Variants in MIAT observed in about 807,000 individuals in gnomAD.
MIAT encodes MI related novel mRNA.
At chr22:26,660,937 C>T (rs1480364420) in intron 2 of MIAT, 5 of 152,170 alleles carry the variant, frequency 3.3e-5, no homozygotes, top group Admixed American at 6.5e-5. Flanking sequence ...AAAAAGCGGC[C>T]GTGAGGCTAT....
At chr22:26,664,005 C>CTTTTTTTTTTTTTTTTTTTTTTT (rs202155948) in intron 3 of MIAT, among the ~76,000 whole-genome samples, 1 of 116,266 alleles carries the variant, frequency 8.6e-6, no homozygotes, top group African/African-American at 3.8e-5. Context: ...CTGTGTTCAG[C>CTTTTTTTTTTTTTTTTTTTTTTT]TTTTTTTTTT....
At chr22:26,658,065 G>A (rs904693485) in intron 2 of MIAT, 1 of 150,854 alleles carries the variant, frequency 6.6e-6, no homozygotes, top group African/African-American at 2.5e-5. Flanking sequence ...AGAGCCAGAG[G>A]GTCTCGGAAC....
chr22:26,660,171 A>G lies in MIAT; in HGVS notation n.647-3145A>G, dbSNP rs1407202916. Among the ~76,000 whole-genome samples the G allele has an allele frequency of 2.0e-5, 3 of 150,690 alleles. No individual in the cohort carries two copies. In the East Asian group the frequency reaches 5.9e-4, roughly 30 times the overall value. On this transcript the variant is annotated intron_variant and non_coding_transcript_variant, in intron 2 of 5. Coordinates refer to ENST00000643270, the Ensembl canonical transcript of MIAT. The stretch of plus-strand genomic sequence containing the variant: ...ATTTTCATGTATTTCTCTCTGGTAT[A>G]TTTTCTATTATTGAAATTGGCTGGG...
At chr22:26,648,267 G>C (rs988694943) in intron 2 of MIAT, among the ~76,000 whole-genome samples, 14 of 152,186 alleles carry the variant, frequency 9.2e-5, no homozygotes, top group African/African-American at 3.1e-4. Context: ...GCAGATGGAT[G>C]AGAGCAACAC....
At chr22:26,655,770 T>C (rs1930420869) in intron 2 of MIAT, among the ~76,000 whole-genome samples, 1 of 152,210 alleles carries the variant, frequency 6.6e-6, no homozygotes, top group African/African-American at 2.4e-5. Context: ...TACTGAAACA[T>C]AGATGTCTGG....
chr22:26,661,142 T>C (rs1362253778), intron 2 of MIAT, among the ~76,000 whole-genome samples: 1 of 152,208 alleles, frequency 6.6e-6, no homozygotes. Flanking sequence ...GCAGCGTGTT[T>C]CTGGGGCATT....
intron 2 of MIAT, chr22:26,657,276 C>A: frequency 2.6e-6 from 1 of 383,620 alleles, no homozygotes; most frequent in East Asian, 3.7e-5. Flanking sequence ...CAGCTAGCCC[C>A]TTTGTGCGGC....
chr22:26,664,963 G>A (rs9608517), intron 3 of MIAT, among the ~76,000 whole-genome samples: 90,773 of 152,148 alleles, frequency 0.6, 28,416 homozygotes, highest in Middle Eastern at 0.69. Flanking sequence ...TTGGACAGGT[G>A]TGGTGGCTCA....
downstream of MIAT, chr22:26,673,598 A>C (rs1278381544): frequency 5.0e-6 from 2 of 398,652 alleles, no homozygotes; most frequent in Non-Finnish European, 8.8e-6. Flanking sequence ...ATTCCTCGTT[A>C]CTGTTAACAG....
chr22:26,661,159 A>G (rs1433837214), intron 2 of MIAT, among the ~76,000 whole-genome samples: 1 of 152,184 alleles, frequency 6.6e-6, no homozygotes, highest in Non-Finnish European at 1.5e-5. Context: ...CATTGGGTCC[A>G]TTGTGCAGAT....
intron 2 of MIAT, chr22:26,657,222 T>G: frequency 3.2e-6 from 1 of 315,424 alleles, no homozygotes. Context: ...AGCGTTGCCA[T>G]GACAGCGCCG....
At chr22:26,663,654 C>T (rs1313290909) in intron 3 of MIAT, 12 of 366,196 alleles carry the variant, frequency 3.3e-5, no homozygotes, top group Admixed American at 1.8e-4. Flanking sequence ...GTTCTTTGTG[C>T]GGCCTTTGAT....
exon 6 of MIAT, chr22:26,669,325 A>G: frequency 2.5e-6 from 1 of 398,824 alleles, no homozygotes. Flanking sequence ...ATTTTCTGCC[A>G]GTTCTGGAGG....
At chr22:26,648,948 A>AGAGAGG (rs1299786032) in intron 2 of MIAT, among the ~76,000 whole-genome samples, 7 of 151,952 alleles carry the variant, frequency 4.6e-5, no homozygotes, top group African/African-American at 1.5e-4. Flanking sequence ...AGAGAGAGAG[A>AGAGAGG]GAGAGACTAC....
At chr22:26,651,917 T>C (rs1930342997) in intron 2 of MIAT, among the ~76,000 whole-genome samples, 1 of 152,240 alleles carries the variant, frequency 6.6e-6, no homozygotes, top group East Asian at 1.9e-4. Flanking sequence ...CATTACATCG[T>C]GAATGTACTC....
At chr22:26,671,038 G>C (rs985667495), downstream of MIAT, 25 of 398,372 alleles carry the variant, frequency 6.3e-5, no homozygotes, top group Middle Eastern at 6.2e-4. Flanking sequence ...TGATGGAAGA[G>C]ATGTCTACTA....
chr22:26,663,372 C>T (rs1003129092), exon 3 of MIAT: 2 of 398,528 alleles, frequency 5.0e-6, no homozygotes, highest in East Asian at 3.6e-5. Flanking sequence ...CCACCATGAC[C>T]CCGTCGGCAT....
chr22:26,651,828 G>A (rs1447489986), intron 2 of MIAT, among the ~76,000 whole-genome samples: 2 of 152,214 alleles, frequency 1.3e-5, no homozygotes, highest in African/African-American at 2.4e-5. Flanking sequence ...GGGGAAACTG[G>A]GAAGTAACCG....
intron 2 of MIAT, among the ~76,000 whole-genome samples, chr22:26,647,987 T>C (rs1481186360): frequency 2.6e-5 from 4 of 152,136 alleles, no homozygotes; most frequent in Non-Finnish European, 5.9e-5. Context: ...CAATTCCTTC[T>C]AGCCCCATCT....
Sources: gnomAD v4.1 joint callset for allele counts (sites outside exome capture counted in the v4.1 genomes callset) on GRCh38, gnomAD v4.1.1 for gene constraint, MANE v1.5 for transcripts, NCBI Gene and HGNC (gene_info 2026-07-23, HGNC 2026-07-21) for gene names.